Variants in PRMT9 observed in about 807,000 individuals in gnomAD.
The protein encoded by PRMT9 is protein arginine N-methyltransferase 9.
A neutral mutation model predicts 83.2 loss-of-function variants in PRMT9; 59 were observed. The observed-to-expected ratio is 0.71, with a 90% CI of 0.57 to 0.88. The LOEUF (loss-of-function observed/expected upper bound fraction) is 0.88, where lower values mean the gene tolerates loss of function less well. PRMT9 is among the 40% of genes least tolerant of loss of function. The pLI is 0.00. For missense variants in PRMT9, 947 were observed against 1,021.9 expected, an observed-to-expected ratio of 0.93 and a Z score of 1.00; for synonymous variants, 333 against 353.2, an observed-to-expected ratio of 0.94 and a Z score of 0.64.
At chr4:147,645,718 T>C (rs753426904) in intron 9 of PRMT9, among the ~76,000 whole-genome samples, 1 of 152,192 alleles carries the variant, frequency 6.6e-6, no homozygotes, top group Non-Finnish European at 1.5e-5. Flanking sequence ...AACAGTCTGC[T>C]CTTGTAACAG....
intron 9 of PRMT9, among the ~76,000 whole-genome samples, chr4:147,649,317 C>T (rs1366472779): frequency 3.3e-5 from 5 of 152,160 alleles, no homozygotes; most frequent in African/African-American, 1.2e-4. Flanking sequence ...TGACCTCATC[C>T]CCCCTTAAAT....
In PRMT9 at chr4:147,683,881, A is replaced by G; in HGVS notation, c.107T>C (p.Leu36Pro). Residue 36 changes from leucine (L) to proline (P), a missense_variant, in exon 1 of 12, where the codon CTG becomes CCG. By Grantham distance (98) the Leu-to-Pro change is moderately conservative (BLOSUM62 -3). Transcript: ENST00000322396. ...GGCAGTGCCGAAGTCCTGGACGCCC[A>G]GACAGTGCTCTGCGCTCTGCAAGGA... ...SRSLQSAEHC[L>P]GVQDFGTAYA... 6.8e-6 allele frequency: 11 copies of G among 1,613,658 alleles called. No individual in the cohort carries two copies. The highest frequency in any genetic ancestry group is 1.7e-4 in the Middle Eastern group (1 of 6,030).
chr4:147,659,635 A>G (rs1379807034), intron 7 of PRMT9, among the ~76,000 whole-genome samples: 1 of 133,760 alleles, frequency 7.5e-6, no homozygotes, highest in African/African-American at 2.8e-5. Flanking sequence ...CTGGGGTGCA[A>G]TGGCGCAATT....
intron 2 of PRMT9, among the ~76,000 whole-genome samples, chr4:147,678,024 A>C (rs1174688287): frequency 6.6e-6 from 1 of 152,204 alleles, no homozygotes; most frequent in Admixed American, 6.5e-5. Context: ...TGCTCTATTA[A>C]TTTAATGTCT....
At chr4:147,678,616 G>A (rs1476267832) in intron 2 of PRMT9, among the ~76,000 whole-genome samples, 2 of 152,162 alleles carry the variant, frequency 1.3e-5, no homozygotes, top group Non-Finnish European at 2.9e-5. Context: ...TTCCTAAACT[G>A]ATTATACAAA....
chr4:147,646,180 C>CA (rs1261229045), intron 9 of PRMT9, among the ~76,000 whole-genome samples: 3 of 152,150 alleles, frequency 2.0e-5, no homozygotes. Context: ...CTTTTTTCCT[C>CA]AAAAGGATCA....
intron 6 of PRMT9, among the ~76,000 whole-genome samples, chr4:147,666,423 T>C (rs1735333741): frequency 6.6e-6 from 1 of 152,186 alleles, no homozygotes; most frequent in Non-Finnish European, 1.5e-5. Context: ...CTAACTTTTT[T>C]CCCCAAATGA....
At chr4:147,669,695 CA>C (rs879630276) in intron 5 of PRMT9, among the ~76,000 whole-genome samples, 46 of 141,694 alleles carry the variant, frequency 3.2e-4, no homozygotes, top group East Asian at 4.1e-4. Context: ...GTTGCTACTT[CA>C]AAAAAAAAAA....
Position 147,638,393 on chromosome 4 carries a change from T to G in PRMT9, c.*139A>C. 1.5e-6 allele frequency: 1 copy of G among 683,694 alleles called. No individual in the cohort carries two copies. Among genetic ancestry groups the G allele is most frequent in the South Asian group, 1.7e-5 (1 of 59,756 alleles). 42.4% of individuals were successfully genotyped at this position (683,694 alleles called of 1,614,324 possible). A position where few individuals can be genotyped will look rare whatever the true frequency, so the allele number is the denominator to read the frequency against. On this transcript the variant is annotated 3_prime_UTR_variant, in exon 12 of 12. Transcript: ENST00000322396. ...ATGCTACCCTTTTATTTAGAATCTT[T>G]TAAAATATGCTTTATTAATGTCAAT... is the stretch of plus-strand genomic sequence containing the variant.
In PRMT9 at chr4:147,684,158, C is replaced by T; in HGVS notation, c.-171G>A. 2.6e-6 allele frequency: 2 copies of T among 773,414 alleles called. No homozygotes were observed. The highest frequency in any genetic ancestry group is 2.7e-5 in the East Asian group (1 of 37,344). 47.9% of individuals were successfully genotyped at this position (773,414 alleles called of 1,614,324 possible). On this transcript the variant is annotated 5_prime_UTR_variant, in exon 1 of 12. Coordinates refer to ENST00000322396, the MANE Select transcript of PRMT9 (RefSeq NM_138364.4). ...CCCAGCCCAGGCGGAAGCTCCGCCC[C>T]GTCCTGGCCCCGCGGGCGGCGCAGA...
intron 6 of PRMT9, among the ~76,000 whole-genome samples, chr4:147,661,698 G>A (rs534899513): frequency 1.4e-5 from 2 of 147,062 alleles, no homozygotes; most frequent in Admixed American, 1.4e-4. Flanking sequence ...GCTGAGGCAG[G>A]AGAATGCAGT....
chr4:147,683,915 C>A lies in PRMT9; in HGVS notation c.73G>T (p.Val25Leu). The A allele has an allele frequency of 6.2e-7, 1 of 1,613,238 alleles. No homozygotes were observed. ...GAGAAGRDEL[V>L]SRSLQSAEHC... ...TCTGCGCTCTGCAAGGACCGCGACA[C>A]CAGCTCGTCCCGGCCGGCTGCCCCA... The change falls in exon 1 of 12, where the codon GTG (valine) becomes TTG (leucine). Residue 25 changes from valine (V) to leucine (L), a missense_variant. Coordinates refer to ENST00000322396, the MANE Select transcript of PRMT9 (RefSeq NM_138364.4).
At chr4:147,676,665 T>C (rs1265881597) in intron 2 of PRMT9, among the ~76,000 whole-genome samples, 1 of 152,232 alleles carries the variant, frequency 6.6e-6, no homozygotes, top group Non-Finnish European at 1.5e-5. Flanking sequence ...ATTAAGACTA[T>C]TAAAATGCCT....
rs1560965998 is a variant in PRMT9, at chr4:147,642,830, C to CT, written c.2155_2156insA (p.Arg719GlnfsTer12). 6.2e-7 allele frequency: 1 copy of CT among 1,613,784 alleles called. No homozygotes were observed. Among genetic ancestry groups the CT allele is most frequent in the Non-Finnish European group, 8.5e-7 (1 of 1,179,682 alleles). On this transcript the variant is annotated frameshift_variant, in exon 10 of 12. Coordinates refer to ENST00000322396, the MANE Select transcript of PRMT9 (RefSeq NM_138364.4). LOFTEE classifies it high-confidence loss of function. ...AGGTGCTATATTTAATCCAAGAGTA[C>CT]GTTCTGTTCCTTGAACAGCATTCTC... is the stretch of plus-strand genomic sequence containing the variant.
rs551672379 is a variant in PRMT9, at chr4:147,683,021, C to T, written c.189+778G>A. On this transcript the variant is annotated intron_variant, in intron 1 of 11. Coordinates refer to ENST00000322396, the MANE Select transcript of PRMT9 (RefSeq NM_138364.4). Reference sequence around the variant, plus strand: ...TGCAATTTTAAGTTAAATCATTTTTCGTAATTTAGATTCTAAAAGTACTTC... The same window carrying T: ...TGCAATTTTAAGTTAAATCATTTTTTGTAATTTAGATTCTAAAAGTACTTC... Among the ~76,000 whole-genome samples the T allele has an allele frequency of 5.9e-5, 9 of 152,240 alleles. No homozygotes were observed. In the South Asian group the frequency reaches 6.2e-4, roughly 11 times the overall value.
intron 5 of PRMT9, among the ~76,000 whole-genome samples, chr4:147,669,324 T>C (rs1325727313): frequency 6.6e-6 from 1 of 151,938 alleles, no homozygotes; most frequent in Non-Finnish European, 1.5e-5. Context: ...TGCAGTAAGC[T>C]AAAAAACGTG....
chr4:147,675,000 G>A (rs1370517980), intron 2 of PRMT9, among the ~76,000 whole-genome samples: 1 of 151,622 alleles, frequency 6.6e-6, no homozygotes, highest in African/African-American at 2.4e-5. Flanking sequence ...TTTTTTTTGA[G>A]ACAGAGTTTC....
chr4:147,654,205 C>CTCAT lies in PRMT9; in HGVS notation c.1688_1691dup (p.Met565Ter), dbSNP rs1560978058. 1 of 1,614,210 alleles carries CTCAT rather than the reference C, an allele frequency of 6.2e-7. No individual in the cohort carries two copies. Among genetic ancestry groups the CTCAT allele is most frequent in the South Asian group, 1.1e-5 (1 of 91,090 alleles). On this transcript the variant is annotated stop_gained and frameshift_variant, in exon 9 of 12. Coordinates refer to ENST00000322396, the MANE Select transcript of PRMT9 (RefSeq NM_138364.4). LOFTEE classifies it high-confidence loss of function. ...TACTCTGTCCAGTTCCAGAGCTCAT[C>CTCAT]TCATTCTGACAGTGAGTATCCATGG...
chr4:147,667,148 G>A (rs1317067683), intron 6 of PRMT9, among the ~76,000 whole-genome samples: 2 of 152,144 alleles, frequency 1.3e-5, no homozygotes, highest in East Asian at 1.9e-4. Flanking sequence ...AATGCAGTAA[G>A]GCATCCCTAC....
Sources: allele counts gnomAD v4.1 joint callset (sites outside exome capture counted in the v4.1 genomes callset), GRCh38; gene constraint gnomAD v4.1.1; transcripts MANE v1.5; gene names NCBI Gene and HGNC (gene_info 2026-07-23, HGNC 2026-07-21).